The following NDE1 variants were observed in gnomAD, a reference collection of about 807,000 sequenced individuals.
The protein encoded by NDE1 is nudE neurodevelopment protein 1, also known as nuclear distribution protein nudE homolog 1.
Under a neutral mutation model 43.4 loss-of-function variants are expected in NDE1, and 28 were observed. The observed-to-expected ratio is 0.65, with a 90% confidence interval of 0.48 to 0.89. The LOEUF is 0.89. Among genes scored for constraint, NDE1 ranks in the 40% least tolerant of loss-of-function variants. The pLI, the probability that NDE1 is intolerant of heterozygous loss-of-function variation, is 0.00. For synonymous variants in NDE1, 184 were observed against 172.0 expected (o/e 1.07, Z -0.55); for missense variants, 441 against 434.1 (o/e 1.02, Z -0.14).
At chr16:15,691,664 A>G (rs1053159136) in intron 6 of NDE1, among the ~76,000 whole-genome samples, 1 of 147,902 alleles carries the variant, frequency 6.8e-6, no homozygotes, top group African/African-American at 2.5e-5. Flanking sequence ...TTTTTGAGAC[A>G]GGATCTCACT....
At chr16:15,690,363 T>TC (rs2038687674) in intron 5 of NDE1, among the ~76,000 whole-genome samples, 3 of 111,014 alleles carry the variant, frequency 2.7e-5, no homozygotes, top group South Asian at 6.5e-4. Context: ...CTTTTTTTTT[T>TC]TTTTTTTTTT....
intron 8 of NDE1, chr16:15,701,713 G>A (rs1443677309): frequency 6.6e-6 from 1 of 152,046 alleles, no homozygotes; most frequent in African/African-American, 2.4e-5. Context: ...GCAGCTTCAC[G>A]GCCTTCATTT....
intron 1 of NDE1, among the ~76,000 whole-genome samples, chr16:15,651,073 G>T (rs560123432): frequency 8.5e-5 from 13 of 152,182 alleles, no homozygotes; most frequent in African/African-American, 2.9e-4. Flanking sequence ...GGGAAACCCC[G>T]CTGTCACCTT....
chr16:15,694,043 T>G (rs1262102150), intron 6 of NDE1, 122 bp from the exon 7 acceptor site: 3 of 1,182,852 alleles, frequency 2.5e-6, no homozygotes, highest in East Asian at 5.1e-5. Flanking sequence ...ATAGGGTAGC[T>G]TTTGGGATCC....
At chr16:15,675,776 C>T (rs560209170) in intron 3 of NDE1, among the ~76,000 whole-genome samples, 37 of 152,132 alleles carry the variant, frequency 2.4e-4, no homozygotes, top group Admixed American at 1.4e-3. Context: ...GGAACAGAAT[C>T]AAGAGAGCTC....
chr16:15,654,865 T>A (rs1229350368), intron 1 of NDE1, among the ~76,000 whole-genome samples: 1 of 150,792 alleles, frequency 6.6e-6, no homozygotes, highest in South Asian at 2.1e-4. Context: ...GAAGATAATG[T>A]TTGCAAACAA....
At chr16:15,684,237 GAAAAA>G (rs201884482) in intron 4 of NDE1, 1 of 149,060 alleles carries the variant, frequency 6.7e-6, no homozygotes, top group Non-Finnish European at 1.5e-5. Context: ...TCTCAAAAAA[GAAAAA>G]AAAAGGTGAA....
In NDE1 at chr16:15,690,353, C is replaced by CTTTTTTT. The variant is rs869069843; in HGVS notation, c.524-769_524-763dup. ...GCAACTGGCCTTTTTTTTTTTTTTT[C>CTTTTTTT]TTTTTTTTTTTTTTTTTTTTTTTTT... On this transcript the variant is annotated intron_variant, in intron 5 of 8. Coordinates refer to ENST00000396354, the MANE Select transcript of NDE1 (RefSeq NM_017668.3). Among the ~76,000 whole-genome samples the CTTTTTTT allele has an allele frequency of 2.9e-3, 236 of 81,010 alleles. 5 individuals are homozygous for CTTTTTTT. Among genetic ancestry groups the CTTTTTTT allele is most frequent in the Non-Finnish European group, 3.3e-3 (155 of 46,382 alleles). 53.1% of individuals were successfully genotyped at this position (81,010 alleles called of 152,430 possible). A position where few individuals can be genotyped will look rare whatever the true frequency, so the allele number is the denominator to read the frequency against.
intron 3 of NDE1, among the ~76,000 whole-genome samples, chr16:15,671,684 T>TTTG (rs902060704): frequency 1.3e-5 from 2 of 152,004 alleles, no homozygotes; most frequent in East Asian, 3.9e-4. Flanking sequence ...TATCGTTCTT[T>TTTG]TTGTTGTTGT....
At chr16:15,677,591 A>G (rs77157939) in intron 3 of NDE1, among the ~76,000 whole-genome samples, 1 of 138,534 alleles carries the variant, frequency 7.2e-6, no homozygotes, top group Non-Finnish European at 1.5e-5. Context: ...GCCTCAAAAG[A>G]AAAAAAAAAA....
At chr16:15,691,647 G>GT (rs11397970) in intron 6 of NDE1, among the ~76,000 whole-genome samples, 88,149 of 146,376 alleles carry the variant, frequency 0.6, 26,762 homozygotes, top group South Asian at 0.74. Context: ...TTTTTGTTGG[G>GT]TTTTTTTTTT....
intron 8 of NDE1, among the ~76,000 whole-genome samples, chr16:15,716,894 A>G (rs1296350660): frequency 6.6e-6 from 1 of 152,208 alleles, no homozygotes; most frequent in African/African-American, 2.4e-5. Context: ...AGGCAGGTTA[A>G]TGTCAGGAGG....
Position 15,724,918 on chromosome 16 carries a change from C to T in NDE1, c.*667C>T, listed in dbSNP as rs78857360. 38 of 1,614,132 alleles carry T rather than the reference C, an allele frequency of 2.4e-5. No homozygotes were observed. The highest frequency in any genetic ancestry group is 1.2e-4 in the Admixed American group (7 of 60,020). On this transcript the variant is annotated 3_prime_UTR_variant, in exon 9 of 9. Transcript: ENST00000396354. The stretch of plus-strand genomic sequence containing the variant: ...TGTCCTGGAGCTGGGAACTGAGGGA[C>T]GCCACGTCCTTGGCCAGCTTAATGG...
At chr16:15,698,284 C>G (rs1340053439) in intron 8 of NDE1, among the ~76,000 whole-genome samples, 1 of 152,112 alleles carries the variant, frequency 6.6e-6, no homozygotes. Flanking sequence ...GTAATCCCAG[C>G]ACTTTGGGAG....
chr16:15,650,229 G>T (rs1056637321), upstream of NDE1: 10 of 257,700 alleles, frequency 3.9e-5, no homozygotes, highest in Admixed American at 4.3e-4. Flanking sequence ...GGAGGGCCGG[G>T]GCCGCACCGC....
chr16:15,686,446 C>A, intron 4 of NDE1: 2 of 985,390 alleles, frequency 2.0e-6, no homozygotes, highest in Non-Finnish European at 2.4e-6. Context: ...GGGTTGTGAG[C>A]AGGGCAGCTG....
At chr16:15,724,062 G>C in intron 8 of NDE1, 129 bp from the exon 9 acceptor site, 1 of 1,584,916 alleles carries the variant, frequency 6.3e-7, no homozygotes, top group Non-Finnish European at 8.6e-7. Flanking sequence ...AGTGGAGAGG[G>C]GATGCAGGCA....
At position 15,721,405 on chromosome 16, in the gene NDE1, C is replaced by T. The variant is rs377102814; in HGVS notation, c.948-2786C>T. 8.7e-6 allele frequency: 14 copies of T among 1,613,956 alleles called. 1 individual carries two copies. The highest frequency in any genetic ancestry group is 1.2e-5 in the Non-Finnish European group (14 of 1,179,928). ...CAGGCGAAACATGGACGAGAAAAAC[C>T]ACCCAGAGCCACTTACGTTCTTGCC... On this transcript the variant is annotated intron_variant, in intron 8 of 8. Transcript: ENST00000396354.
intron 3 of NDE1, among the ~76,000 whole-genome samples, chr16:15,668,744 T>C (rs1486664020): frequency 6.6e-6 from 1 of 152,208 alleles, no homozygotes; most frequent in Non-Finnish European, 1.5e-5. Flanking sequence ...GTTTCCTTAG[T>C]GGACAGAGGG....
Sources: gnomAD v4.1 joint callset for allele counts (sites outside exome capture counted in the v4.1 genomes callset) on GRCh38, gnomAD v4.1.1 for gene constraint, MANE v1.5 for transcripts, NCBI Gene and HGNC (gene_info 2026-07-23, HGNC 2026-07-21) for gene names.